The following GRM1 variants were observed in gnomAD, a reference collection of about 807,000 sequenced individuals.
GRM1 encodes glutamate metabotropic receptor 1, also known as metabotropic glutamate receptor 1.
A neutral mutation model predicts 90.9 loss-of-function variants in GRM1; 33 were observed. That is an observed-to-expected ratio of 0.36 (90% CI 0.28 to 0.49). The LOEUF (loss-of-function observed/expected upper bound fraction) is 0.49. Ranked by LOEUF, GRM1 falls within the 20% of genes least tolerant of loss-of-function variation. The pLI is 0.99. For synonymous variants in GRM1, 700 were observed against 613.2 expected (o/e 1.14, Z -2.09); for missense variants, 1,190 against 1,534.3 (o/e 0.78, Z 3.75).
intron 1 of GRM1, among the ~76,000 whole-genome samples, chr6:146,042,234 T>G (rs1791139080): frequency 1.3e-5 from 2 of 152,018 alleles, no homozygotes. Context: ...CTCCTAGCTC[T>G]GTCTTTCCAG....
At chr6:146,066,317 T>C (rs1035703793) in intron 1 of GRM1, among the ~76,000 whole-genome samples, 3 of 152,180 alleles carry the variant, frequency 2.0e-5, no homozygotes, top group Admixed American at 1.3e-4. Flanking sequence ...TGAGAACACA[T>C]GGTATTTGGT....
chr6:146,370,079 CT>C (rs1337404823), intron 5 of GRM1, among the ~76,000 whole-genome samples: 2 of 152,010 alleles, frequency 1.3e-5, no homozygotes, highest in Non-Finnish European at 2.9e-5. Context: ...ATAAAATAGC[CT>C]GCTTTGTCTC....
intron 7 of GRM1, among the ~76,000 whole-genome samples, chr6:146,409,627 G>A (rs1777486987): frequency 6.6e-6 from 1 of 151,902 alleles, no homozygotes; most frequent in African/African-American, 2.4e-5. Context: ...ATTGTCTTCT[G>A]AGTTAATAAA....
chr6:146,040,336 G>A (rs898684740), intron 1 of GRM1, among the ~76,000 whole-genome samples: 3 of 151,916 alleles, frequency 2.0e-5, no homozygotes, highest in Admixed American at 2.0e-4. Flanking sequence ...AGAATGTTCT[G>A]AATTTTTATA....
chr6:146,320,547 C>T (rs535470428), intron 3 of GRM1, among the ~76,000 whole-genome samples: 2 of 151,504 alleles, frequency 1.3e-5, no homozygotes, highest in Non-Finnish European at 2.9e-5. Context: ...ATGGTAGCAG[C>T]AACTCTTTGT....
chr6:146,276,352 TTAGA>T (rs1232026290), intron 2 of GRM1, among the ~76,000 whole-genome samples: 1 of 152,200 alleles, frequency 6.6e-6, no homozygotes, highest in Non-Finnish European at 1.5e-5. Context: ...CATTCTTACA[TTAGA>T]TAATCTAAAA....
intron 1 of GRM1, among the ~76,000 whole-genome samples, chr6:146,101,789 T>C (rs1393151739): frequency 6.7e-6 from 1 of 149,516 alleles, no homozygotes. Flanking sequence ...GCTATAATTA[T>C]AATTATAGTA....
chr6:146,121,331 T>C (rs10872584), intron 1 of GRM1, among the ~76,000 whole-genome samples: 69,957 of 151,932 alleles, frequency 0.46, 16,522 homozygotes, highest in Middle Eastern at 0.55. Flanking sequence ...TCTCTCTTTT[T>C]TTCTTTATTA....
rs756105439 is a variant in GRM1 at position 146,352,353 on chromosome 6, C to T, written c.1290C>T (p.Ala430=). 2 of 1,614,146 alleles carry T rather than the reference C, an allele frequency of 1.2e-6. No individual in the cohort carries two copies. The highest frequency in any genetic ancestry group is 2.2e-5 in the South Asian group (2 of 91,078). Residue 430 remains alanine, a synonymous_variant, in exon 4 of 8, where the codon GCC becomes GCT. Coordinates refer to ENST00000282753, the MANE Select transcript of GRM1 (RefSeq NM_001278064.2). ...ATGGGCTGCAGAACATGCACCATGCCCTCTGCCCTGGCCACGTGGGCCTCT... is the reference window on the plus strand; with the variant it reads ...ATGGGCTGCAGAACATGCACCATGCTCTCTGCCCTGGCCACGTGGGCCTCT... ...MAHGLQNMHH[A]LCPGHVGLCD...
chr6:146,308,536 A>G (rs921726880), intron 3 of GRM1, among the ~76,000 whole-genome samples: 6 of 152,246 alleles, frequency 3.9e-5, no homozygotes, highest in African/African-American at 1.4e-4. Context: ...TGGAAACTAG[A>G]AAAAACAAGA....
chr6:146,045,895 T>C (rs1424847363), intron 1 of GRM1, among the ~76,000 whole-genome samples: 1 of 151,878 alleles, frequency 6.6e-6, no homozygotes, highest in South Asian at 2.1e-4. Flanking sequence ...CTCACAGATG[T>C]TATATTTTTC....
At chr6:146,288,762 A>T (rs1017665006) in intron 2 of GRM1, among the ~76,000 whole-genome samples, 5 of 152,136 alleles carry the variant, frequency 3.3e-5, no homozygotes, top group Admixed American at 3.3e-4. Context: ...TGCCTCGGCC[A>T]CCCAAAGTGC....
chr6:146,086,814 T>G (rs1299512913), intron 1 of GRM1, among the ~76,000 whole-genome samples: 1 of 152,082 alleles, frequency 6.6e-6, no homozygotes, highest in African/African-American at 2.4e-5. Context: ...CCAGGGATAG[T>G]AGTCATTCCC....
chr6:146,194,438 G>A (rs540240031), intron 2 of GRM1, among the ~76,000 whole-genome samples: 3 of 152,066 alleles, frequency 2.0e-5, no homozygotes, highest in East Asian at 1.9e-4. Flanking sequence ...TAACTTTCTC[G>A]ACTTCATTGG....
intron 2 of GRM1, among the ~76,000 whole-genome samples, chr6:146,221,603 C>T (rs1780065339): frequency 6.6e-6 from 1 of 152,088 alleles, no homozygotes; most frequent in Non-Finnish European, 1.5e-5. Flanking sequence ...CATTGATGGG[C>T]ATTTGGGTTG....
intron 7 of GRM1, among the ~76,000 whole-genome samples, chr6:146,410,871 CA>C (rs1215398721): frequency 1.3e-5 from 2 of 152,026 alleles, no homozygotes; most frequent in African/African-American, 4.8e-5. Context: ...TATGTGAAGC[CA>C]AAAGTTATTT....
At chr6:146,230,580 A>C (rs952949002) in intron 2 of GRM1, among the ~76,000 whole-genome samples, 79 of 152,300 alleles carry the variant, frequency 5.2e-4, no homozygotes, top group African/African-American at 1.9e-3. Flanking sequence ...GCAAAATGGC[A>C]CAGCCACTTT....
At chr6:146,265,048 C>T (rs1042119493) in intron 2 of GRM1, among the ~76,000 whole-genome samples, 1 of 152,112 alleles carries the variant, frequency 6.6e-6, no homozygotes, top group African/African-American at 2.4e-5. Context: ...GGTAAATACC[C>T]AGGAGTGAGA....
chr6:146,037,598 T>G (rs1056469810), intron 1 of GRM1, among the ~76,000 whole-genome samples: 2 of 151,946 alleles, frequency 1.3e-5, no homozygotes, highest in African/African-American at 4.8e-5. Context: ...TTCTAGGAGA[T>G]TCCTCTTCTG....
Sources: gnomAD v4.1 joint callset for allele counts (sites outside exome capture counted in the v4.1 genomes callset) on GRCh38, gnomAD v4.1.1 for gene constraint, MANE v1.5 for transcripts, NCBI Gene and HGNC (gene_info 2026-07-23, HGNC 2026-07-21) for gene names.